The following MPZL1 variants were observed in gnomAD, a reference collection of about 807,000 sequenced individuals.
MPZL1 encodes the protein myelin protein zero like 1, also known as myelin protein zero-like protein 1.
A neutral mutation model predicts 29.3 loss-of-function variants in MPZL1; 16 were observed. The ratio of observed to expected loss-of-function variants is 0.55; its 90% CI spans 0.37 to 0.83. The LOEUF (loss-of-function observed/expected upper bound fraction) is 0.83, where lower values mean the gene tolerates loss of function less well. Among genes scored for constraint, MPZL1 ranks in the 40% least tolerant of loss-of-function variants. The pLI is 0.00. For synonymous variants in MPZL1, 143 were observed against 132.0 expected, an observed-to-expected ratio of 1.08 and a Z score of -0.57; for missense variants, 279 against 332.9, an observed-to-expected ratio of 0.84 and a Z score of 1.26.
intron 5 of MPZL1, among the ~76,000 whole-genome samples, chr1:167,784,724 C>G (rs1661558646): frequency 6.6e-6 from 1 of 152,204 alleles, no homozygotes; most frequent in South Asian, 2.1e-4. Context: ...TTCATCCATC[C>G]CTTCATCCAG....
At chr1:167,766,088 T>TTATA (rs59601499) in intron 2 of MPZL1, among the ~76,000 whole-genome samples, 2 of 152,046 alleles carry the variant, frequency 1.3e-5, no homozygotes, top group African/African-American at 4.8e-5. Flanking sequence ...TTATCAAATT[T>TTATA]TATATATATA....
intron 1 of MPZL1, among the ~76,000 whole-genome samples, chr1:167,735,160 A>G (rs1660351189): frequency 6.6e-6 from 1 of 152,204 alleles, no homozygotes; most frequent in South Asian, 2.1e-4. Flanking sequence ...CACTTTGTCC[A>G]TTGTCATTAG....
intron 3 of MPZL1, among the ~76,000 whole-genome samples, chr1:167,772,756 A>C (rs1439178585): frequency 1.3e-5 from 2 of 152,168 alleles, no homozygotes; most frequent in African/African-American, 4.8e-5. Context: ...TGAATTTTTC[A>C]GTGTTAATTA....
chr1:167,787,031 T>C (rs2101802282), intron 5 of MPZL1: 1 of 152,352 alleles, frequency 6.6e-6, no homozygotes, highest in East Asian at 1.9e-4. Context: ...CTCTCCTGAA[T>C]GGGACCCTGA....
At position 167,747,163 on chromosome 1, in the gene MPZL1, A is replaced by G. The variant is rs1660663703; in HGVS notation, c.92-18420A>G. Among the ~76,000 whole-genome samples the G allele has an allele frequency of 2.0e-5, 3 of 152,232 alleles. No individual in the cohort carries two copies. In the South Asian group the frequency reaches 6.2e-4, roughly 32 times the overall value. ...AGCCCATAAGCGAATTGTTTTGCAT[A>G]GAGCCTGCATTGCTAAGCCAGTAGA... is the stretch of plus-strand genomic sequence containing the variant. On this transcript the variant is annotated intron_variant, in intron 1 of 5. Coordinates refer to ENST00000359523, the MANE Select transcript of MPZL1 (RefSeq NM_003953.6).
At chr1:167,732,508 A>G (rs148375740) in intron 1 of MPZL1, among the ~76,000 whole-genome samples, 178 of 152,338 alleles carry the variant, frequency 1.2e-3, no homozygotes, top group African/African-American at 4.1e-3. Context: ...CTGGCAATTC[A>G]CAAGTATGGT....
At chr1:167,751,691 A>T (rs1296115618) in intron 1 of MPZL1, among the ~76,000 whole-genome samples, 3 of 152,032 alleles carry the variant, frequency 2.0e-5, no homozygotes, top group Admixed American at 2.0e-4. Context: ...AAAAAAGAAA[A>T]GAAATTAAAT....
rs758802133 is a variant in MPZL1 at position 167,772,489 on chromosome 1, G to T, written c.472+1G>T. 3.7e-6 allele frequency: 6 copies of T among 1,610,212 alleles called. No individual in the cohort carries two copies. Among genetic ancestry groups the T allele is most frequent in the Non-Finnish European group, 5.1e-6 (6 of 1,177,478 alleles). On this transcript the variant is annotated splice_donor_variant, in intron 3 of 5. Coordinates refer to ENST00000359523, the MANE Select transcript of MPZL1 (RefSeq NM_003953.6). LOFTEE classifies it high-confidence loss of function. ...ATTAGGCTCTATGTCGTAGAAAAAGGTACTTCCTTGAGTATTTTGGCAGTA... is the reference window on the plus strand; with the variant it reads ...ATTAGGCTCTATGTCGTAGAAAAAGTTACTTCCTTGAGTATTTTGGCAGTA...
chr1:167,751,137 A>G (rs1446962721), intron 1 of MPZL1, among the ~76,000 whole-genome samples: 2 of 152,070 alleles, frequency 1.3e-5, no homozygotes, highest in African/African-American at 4.8e-5. Context: ...TAAAGTAACT[A>G]TTTTTTTCCC....
intron 1 of MPZL1, among the ~76,000 whole-genome samples, chr1:167,724,170 G>C (rs1316455589): frequency 6.6e-6 from 1 of 152,210 alleles, no homozygotes; most frequent in Non-Finnish European, 1.5e-5. Context: ...CAGGCTACTG[G>C]AGGAAGGGAG....
At chr1:167,775,163 CTGAT>C (rs1661339328) in intron 4 of MPZL1, among the ~76,000 whole-genome samples, 1 of 152,114 alleles carries the variant, frequency 6.6e-6, no homozygotes, top group African/African-American at 2.4e-5. Context: ...AAGATCCTGA[CTGAT>C]TATGTATTAG....
At chr1:167,780,174 G>A (rs1380665091) in intron 5 of MPZL1, among the ~76,000 whole-genome samples, 1 of 152,170 alleles carries the variant, frequency 6.6e-6, no homozygotes, top group East Asian at 1.9e-4. Flanking sequence ...GAGCAGGAAA[G>A]GAGGGGAAAA....
intron 5 of MPZL1, 64 bp downstream of exon 5, chr1:167,776,230 C>A: frequency 8.3e-7 from 1 of 1,206,908 alleles, no homozygotes; most frequent in Admixed American, 1.9e-5. Context: ...CTGTCACTTC[C>A]TTGGGTGTGG....
At chr1:167,772,841 C>T (rs919429115) in intron 3 of MPZL1, among the ~76,000 whole-genome samples, 5 of 152,168 alleles carry the variant, frequency 3.3e-5, no homozygotes, top group Non-Finnish European at 7.3e-5. Flanking sequence ...GTTTTATATT[C>T]TCCAGGAGAA....
chr1:167,755,438 C>T (rs1660849651), intron 1 of MPZL1, among the ~76,000 whole-genome samples: 1 of 152,120 alleles, frequency 6.6e-6, no homozygotes, highest in South Asian at 2.1e-4. Flanking sequence ...CATTTCAGCA[C>T]CTGGGAAGTG....
chr1:167,725,173 A>G (rs1419820819), intron 1 of MPZL1, among the ~76,000 whole-genome samples: 1 of 152,110 alleles, frequency 6.6e-6, no homozygotes, highest in Non-Finnish European at 1.5e-5. Context: ...CAGTTCTCCC[A>G]TCTTTAAAAT....
intron 5 of MPZL1, among the ~76,000 whole-genome samples, chr1:167,782,589 T>C (rs1661518993): frequency 6.6e-6 from 1 of 152,232 alleles, no homozygotes; most frequent in Non-Finnish European, 1.5e-5. Flanking sequence ...AGAACTTGAA[T>C]GGTAGACTAT....
At chr1:167,779,804 A>C (rs1367812138) in intron 5 of MPZL1, among the ~76,000 whole-genome samples, 1 of 152,176 alleles carries the variant, frequency 6.6e-6, no homozygotes, top group African/African-American at 2.4e-5. Context: ...GCAAACACTG[A>C]AAAAAATAAA....
intron 1 of MPZL1, among the ~76,000 whole-genome samples, chr1:167,764,405 A>G (rs1203867784): frequency 6.6e-6 from 1 of 152,240 alleles, no homozygotes; most frequent in East Asian, 1.9e-4. Flanking sequence ...CTAACTGACA[A>G]AACTTGATGG....
Sources: allele counts gnomAD v4.1 joint callset (sites outside exome capture counted in the v4.1 genomes callset), GRCh38; gene constraint gnomAD v4.1.1; transcripts MANE v1.5; gene names NCBI Gene and HGNC (gene_info 2026-07-23, HGNC 2026-07-21).